Variants in CUX1 observed in about 807,000 individuals in gnomAD.
CUX1 encodes the protein protein CASP.
CUX1 carries 31 observed loss-of-function variants against 158.8 expected under a neutral mutation model. The observed-to-expected ratio is 0.20, with a 90% confidence interval of 0.15 to 0.26. The LOEUF is 0.26. Among genes scored for constraint, CUX1 ranks in the 10% least tolerant of loss-of-function variants. The pLI is 1.00. For synonymous variants in CUX1, 879 were observed against 862.1 expected, an observed-to-expected ratio of 1.02 and a Z score of -0.34; for missense variants, 1,589 against 2,014.6, an observed-to-expected ratio of 0.79 and a Z score of 4.04.
At chr7:101,823,335 C>G (rs1792889756) in intron 1 of CUX1, among the ~76,000 whole-genome samples, 1 of 152,218 alleles carries the variant, frequency 6.6e-6, no homozygotes, top group Non-Finnish European at 1.5e-5. Flanking sequence ...GCCAGCAACT[C>G]AAGAACTAGC....
chr7:101,861,363 C>T (rs898979238), intron 1 of CUX1, among the ~76,000 whole-genome samples: 9 of 152,210 alleles, frequency 5.9e-5, no homozygotes, highest in African/African-American at 9.6e-5. Flanking sequence ...GTGGAAGCTG[C>T]GTTTCCACAT....
At chr7:101,903,734 T>C (rs1802421137) in intron 1 of CUX1, among the ~76,000 whole-genome samples, 1 of 152,146 alleles carries the variant, frequency 6.6e-6, no homozygotes, top group East Asian at 1.9e-4. Context: ...TCTCACCGTT[T>C]AAATGAGCGT....
chr7:102,244,585 C>T (rs191865322), intron 23 of CUX1, among the ~76,000 whole-genome samples: 149 of 152,208 alleles, frequency 9.8e-4, no homozygotes, highest in Admixed American at 7.1e-3. Flanking sequence ...ATCCCAGCTA[C>T]TCAGGAGGCT....
intron 2 of CUX1, among the ~76,000 whole-genome samples, chr7:102,014,858 C>CAA (rs59972216): frequency 1.3e-4 from 17 of 127,942 alleles, no homozygotes; most frequent in South Asian, 2.6e-4. Context: ...CCCCAACCAC[C>CAA]AAAAAAAAAA....
At chr7:102,189,710 C>T in intron 11 of CUX1, 103 bp from the exon 12 acceptor site, 2 of 1,252,770 alleles carry the variant, frequency 1.6e-6, no homozygotes, top group Non-Finnish European at 2.3e-6. Flanking sequence ...GGGCTGGCTT[C>T]CCCTCTCAGG....
intron 17 of CUX1, among the ~76,000 whole-genome samples, chr7:102,275,864 C>G (rs1312036367): frequency 2.6e-5 from 4 of 152,032 alleles, no homozygotes; most frequent in Admixed American, 6.5e-5. Context: ...CAAAAATTAG[C>G]CGGGCATGGT....
chr7:101,893,335 CT>C (rs1218166505), intron 1 of CUX1, among the ~76,000 whole-genome samples: 2 of 151,880 alleles, frequency 1.3e-5, no homozygotes, highest in Non-Finnish European at 1.5e-5. Context: ...ATTTTTATTA[CT>C]TTTTGTTTCT....
chr7:102,272,715 A>G (rs1791305340), intron 14 of CUX1, among the ~76,000 whole-genome samples: 1 of 152,138 alleles, frequency 6.6e-6, no homozygotes, highest in Non-Finnish European at 1.5e-5. Context: ...CACAGTTTGG[A>G]TGCTTTGTTA....
intron 21 of CUX1, among the ~76,000 whole-genome samples, chr7:102,232,210 G>C (rs987809630): frequency 6.6e-6 from 1 of 151,862 alleles, no homozygotes; most frequent in Non-Finnish European, 1.5e-5. Context: ...GCCAGGCGTG[G>C]TGGTGCACAC....
intron 2 of CUX1, among the ~76,000 whole-genome samples, chr7:101,957,475 C>T (rs1376809169): frequency 6.6e-6 from 1 of 152,172 alleles, no homozygotes; most frequent in African/African-American, 2.4e-5. Context: ...AATCCCAGCA[C>T]TTTGGGAGGC....
At position 102,254,659 on chromosome 7, in the gene CUX1, T is replaced by G; in HGVS notation, c.*5617T>G. 1 of 985,436 alleles carries G rather than the reference T, an allele frequency of 1.0e-6. No homozygotes were observed. Among genetic ancestry groups the G allele is most frequent in the Non-Finnish European group, 1.2e-6 (1 of 829,950 alleles). 61.0% of individuals were successfully genotyped at this position (985,436 alleles called of 1,614,324 possible). A position where few individuals can be genotyped will look rare whatever the true frequency, so the allele number is the denominator to read the frequency against. On this transcript the variant is annotated 3_prime_UTR_variant, in exon 24 of 24. Coordinates refer to ENST00000292535, the MANE Select transcript of CUX1 (RefSeq NM_181552.4). ...GCATTGACCAGCCAAAGCTCACATT[T>G]AGAAAGCCCTCAGTGCTTCTGTGGT...
chr7:102,256,742 T>C lies in CUX1; in HGVS notation c.*7700T>C. ...CTCCTAGAGCCTCTGGTAAGACTTC[T>C]GGGTTCATGAAGTTTCGGCGAGCCG... On this transcript the variant is annotated 3_prime_UTR_variant, in exon 24 of 24. Coordinates refer to ENST00000292535, the MANE Select transcript of CUX1 (RefSeq NM_181552.4). The C allele has an allele frequency of 1.0e-6, 1 of 985,458 alleles. No homozygotes were observed. The highest frequency in any genetic ancestry group is 1.2e-6 in the Non-Finnish European group (1 of 829,950). 61.0% of individuals were successfully genotyped at this position (985,458 alleles called of 1,614,324 possible). A position where few individuals can be genotyped will look rare whatever the true frequency, so the allele number is the denominator to read the frequency against.
intron 23 of CUX1, 22 bp downstream of exon 23, chr7:102,239,606 G>A: frequency 1.2e-6 from 2 of 1,603,198 alleles, no homozygotes; most frequent in Non-Finnish European, 1.7e-6. Context: ...GGCTCACAGG[G>A]AGCGCCGGTC....
intron 6 of CUX1, among the ~76,000 whole-genome samples, chr7:102,107,876 C>A (rs929812029): frequency 2.0e-5 from 3 of 152,224 alleles, no homozygotes; most frequent in Non-Finnish European, 2.9e-5. Flanking sequence ...TGGGGCCACG[C>A]CCAACTCTGC....
intron 1 of CUX1, among the ~76,000 whole-genome samples, chr7:101,837,949 C>T (rs1242405294): frequency 1.3e-5 from 2 of 151,514 alleles, no homozygotes; most frequent in African/African-American, 4.8e-5. Flanking sequence ...TGTTTTCTGC[C>T]TGCCTTTATG....
intron 2 of CUX1, among the ~76,000 whole-genome samples, chr7:101,920,765 A>G (rs1804819117): frequency 6.6e-6 from 1 of 152,222 alleles, no homozygotes; most frequent in Non-Finnish European, 1.5e-5. Context: ...ACATTTTTAA[A>G]TGTTCTAACT....
intron 1 of CUX1, among the ~76,000 whole-genome samples, chr7:101,901,186 T>C (rs1169337180): frequency 6.6e-6 from 1 of 152,016 alleles, no homozygotes; most frequent in South Asian, 2.1e-4. Flanking sequence ...GGCCCAGTAA[T>C]GCCCCTGGGT....
chr7:102,243,170 A>G (rs1471241194), intron 23 of CUX1, among the ~76,000 whole-genome samples: 1 of 152,116 alleles, frequency 6.6e-6, no homozygotes, highest in Non-Finnish European at 1.5e-5. Flanking sequence ...GCTGCTCAGG[A>G]GGCTGAGGCA....
chr7:102,049,878 C>T (rs1585419729), intron 3 of CUX1, among the ~76,000 whole-genome samples: 3 of 152,216 alleles, frequency 2.0e-5, no homozygotes, highest in African/African-American at 7.2e-5. Flanking sequence ...TGGGACCAGG[C>T]ATCCCCACAG....
Sources: gnomAD v4.1 joint callset for allele counts (sites outside exome capture counted in the v4.1 genomes callset) on GRCh38, gnomAD v4.1.1 for gene constraint, MANE v1.5 for transcripts, NCBI Gene and HGNC (gene_info 2026-07-23, HGNC 2026-07-21) for gene names.